The following GPHN variants were observed in gnomAD, a reference collection of about 807,000 sequenced individuals.
The protein encoded by GPHN is gephyrin.
GPHN carries 17 observed loss-of-function variants against 95.5 expected under a neutral mutation model. The observed-to-expected ratio is 0.18, with a 90% CI of 0.12 to 0.27. The LOEUF (loss-of-function observed/expected upper bound fraction) is 0.27. Ranked by LOEUF, GPHN falls within the 10% of genes least tolerant of loss-of-function variation. The probability of loss-of-function intolerance (pLI) is 1.00; values close to 1 mark genes in which losing one functional copy is unlikely to be tolerated. For missense variants in GPHN, 660 were observed against 978.1 expected (o/e 0.67, Z 4.34); for synonymous variants, 320 against 322.5 (o/e 0.99, Z 0.08).
intron 9 of GPHN, among the ~76,000 whole-genome samples, chr14:67,002,428 T>A (rs2072299988): frequency 6.6e-6 from 1 of 151,130 alleles, no homozygotes; most frequent in Non-Finnish European, 1.5e-5. Context: ...ATAACCTCTT[T>A]ATTTTTCTGA....
chr14:67,047,869 G>A (rs1182441639), intron 10 of GPHN, among the ~76,000 whole-genome samples: 1 of 152,174 alleles, frequency 6.6e-6, no homozygotes, highest in Non-Finnish European at 1.5e-5. Context: ...GGTGAGACAG[G>A]AGGATCATTT....
chr14:67,496,409 T>G, the GPHN span, among the ~76,000 whole-genome samples: 1 of 133,084 alleles, frequency 7.5e-6, no homozygotes, highest in African/African-American at 2.7e-5. Context: ...TTTTTTTTTT[T>G]TTTTTTTTTT....
At chr14:67,578,211 AG>A in the GPHN span, 1 of 1,610,798 alleles carries the variant, frequency 6.2e-7, no homozygotes, top group Non-Finnish European at 8.5e-7. This position sits in a 1 kb window ranked among gnomAD's most constrained non-coding sequence, Gnocchi z 5.0. Flanking sequence ...TAGGCATGCC[AG>A]GGGTGGAGCA....
At chr14:66,653,382 A>G (rs922447985) in intron 1 of GPHN, among the ~76,000 whole-genome samples, 2 of 152,174 alleles carry the variant, frequency 1.3e-5, no homozygotes, top group African/African-American at 4.8e-5. Flanking sequence ...TAAACTTTTT[A>G]GATAGTTGTA....
chr14:67,524,479 C>T, the GPHN span, among the ~76,000 whole-genome samples: 1 of 152,190 alleles, frequency 6.6e-6, no homozygotes, highest in African/African-American at 2.4e-5. Flanking sequence ...GACAAAGGAA[C>T]ACAGGCTTAG....
intron 1 of GPHN, among the ~76,000 whole-genome samples, chr14:66,631,232 A>G (rs1218999512): frequency 6.6e-6 from 1 of 152,058 alleles, no homozygotes; most frequent in Non-Finnish European, 1.5e-5. Flanking sequence ...TATTTTCAAT[A>G]GAGACGAGGT....
intron 3 of GPHN, among the ~76,000 whole-genome samples, chr14:66,782,834 A>AAAAC (rs1410113721): frequency 1.3e-5 from 2 of 152,262 alleles, no homozygotes; most frequent in African/African-American, 2.4e-5. Flanking sequence ...CTCCATCTCA[A>AAAAC]AAACAAACAA....
At chr14:67,122,133 A>T (rs1322744785) in intron 16 of GPHN, 123 bp from the exon 17 acceptor site, 1 of 906,922 alleles carries the variant, frequency 1.1e-6, no homozygotes, top group East Asian at 2.5e-5. Context: ...ATTCACCTTC[A>T]AAATGCCAGA....
At chr14:66,588,591 C>T (rs2061514734) in intron 1 of GPHN, among the ~76,000 whole-genome samples, 1 of 151,886 alleles carries the variant, frequency 6.6e-6, no homozygotes, top group African/African-American at 2.4e-5. Context: ...GTGAAGCATA[C>T]ACAAGTATCA....
Position 66,743,729 on chromosome 14 carries a change from G to A in GPHN, c.144-32735G>A, listed in dbSNP as rs377392658. Among the ~76,000 whole-genome samples the A allele has an allele frequency of 3.0e-3, 461 of 152,252 alleles. 4 individuals carry two copies. Among genetic ancestry groups the A allele is most frequent in the African/African-American group, 0.01 (434 of 41,558 alleles). On this transcript the variant is annotated intron_variant, in intron 2 of 22. Coordinates refer to ENST00000478722, the MANE Select transcript of GPHN (RefSeq NM_020806.5). ...TGCACTCCAGCCTGGACGACAGAGC[G>A]AGACTCCATCTCAAAAAACAACAAC...
intron 2 of GPHN, among the ~76,000 whole-genome samples, chr14:66,769,087 G>A (rs1357034671): frequency 6.6e-6 from 1 of 151,862 alleles, no homozygotes; most frequent in Non-Finnish European, 1.5e-5. Context: ...AATAAGGGAC[G>A]ATTGTAATAC....
chr14:67,284,951 G>A, the GPHN span, among the ~76,000 whole-genome samples: 1 of 151,872 alleles, frequency 6.6e-6, no homozygotes, highest in Non-Finnish European at 1.5e-5. Flanking sequence ...GGATCTCACT[G>A]TGTTGCCCAG....
At chr14:67,520,751 C>T in the GPHN span, among the ~76,000 whole-genome samples, 74 of 152,218 alleles carry the variant, frequency 4.9e-4, no homozygotes, top group African/African-American at 1.7e-3. Flanking sequence ...CAAGTTATGG[C>T]AATTAAGAAT....
At chr14:67,549,307 G>T in the GPHN span, among the ~76,000 whole-genome samples, 1 of 149,630 alleles carries the variant, frequency 6.7e-6, no homozygotes, top group African/African-American at 2.5e-5. Context: ...GTCTCACTTT[G>T]TCACCTAGGC....
intron 20 of GPHN, among the ~76,000 whole-genome samples, chr14:67,167,456 G>A (rs1050033276): frequency 5.3e-5 from 8 of 152,056 alleles, no homozygotes; most frequent in African/African-American, 1.9e-4. Flanking sequence ...CTTTTTAAGA[G>A]TCTGCTATTC....
chr14:67,451,720 G>C, the GPHN span, among the ~76,000 whole-genome samples: 1 of 152,184 alleles, frequency 6.6e-6, no homozygotes, highest in African/African-American at 2.4e-5. Context: ...CTCATAGATA[G>C]AAGGGGCTTG....
rs138913016 is a variant in GPHN at position 66,680,111 on chromosome 14, A to G, written c.65-996A>G. On this transcript the variant is annotated intron_variant, in intron 1 of 22. Transcript: ENST00000478722. ...CATCAAGTCTGGGTGGCAGCTTTCG[A>G]TACACTTAGAATGCCTTTGATTTTA... Among the ~76,000 whole-genome samples the G allele has an allele frequency of 3.4e-3, 520 of 152,336 alleles. 4 individuals carry two copies. The highest frequency in any genetic ancestry group is 0.014 in the Middle Eastern group (4 of 294).
chr14:66,534,536 T>A (rs960085545), intron 1 of GPHN, among the ~76,000 whole-genome samples: 1 of 152,184 alleles, frequency 6.6e-6, no homozygotes, highest in Non-Finnish European at 1.5e-5. Context: ...AATTTTTGAC[T>A]TACAAAGAAA....
chr14:67,330,082 A>T, the GPHN span, among the ~76,000 whole-genome samples: 1 of 150,542 alleles, frequency 6.6e-6, no homozygotes, highest in South Asian at 2.1e-4. Context: ...ATGCCAGACA[A>T]ATGCTCTGCT....
Sources: gnomAD v4.1 joint callset for allele counts (sites outside exome capture counted in the v4.1 genomes callset) on GRCh38, gnomAD v4.1.1 for gene constraint, Gnocchi (gnomAD v3.1) non-coding constraint, MANE v1.5 for transcripts, NCBI Gene and HGNC (gene_info 2026-07-23, HGNC 2026-07-21) for gene names.